The following CCDC34 variants were observed in gnomAD, a reference collection of about 807,000 sequenced individuals.
The protein encoded by CCDC34 is coiled-coil domain-containing protein 34.
Under a neutral mutation model 44.1 loss-of-function variants are expected in CCDC34, and 40 were observed. The ratio of observed to expected loss-of-function variants is 0.91; its 90% CI spans 0.70 to 1.18. The LOEUF is 1.18. Among genes scored for constraint, CCDC34 ranks in the 50% most tolerant of loss-of-function variants. CCDC34 has a pLI of 0.00. For synonymous variants in CCDC34, 159 were observed against 158.2 expected (o/e 1.01, Z -0.04); for missense variants, 466 against 452.3 (o/e 1.03, Z -0.28).
Position 27,340,783 on chromosome 11 carries a change from T to C in CCDC34, c.820A>G (p.Lys274Glu). The C allele has an allele frequency of 6.2e-7, 1 of 1,613,844 alleles. No homozygotes were observed. Among genetic ancestry groups the C allele is most frequent in the Non-Finnish European group, 8.5e-7 (1 of 1,179,852 alleles). Residue 274 changes from lysine (K) to glutamate (E), a missense_variant, in exon 5 of 6, where the codon AAA (lysine) becomes GAA (glutamate). Physicochemically the swap from Lys to Glu is moderately conservative, Grantham distance 56. Transcript: ENST00000328697. ...EIQEKKEIAEKKFQEWLENAK... is the reference protein window; with the variant it reads ...EIQEKKEIAEEKFQEWLENAK... Reference sequence around the variant, plus strand: ...TTTTCCAACCATTCTTGAAACTTTTTTTCTGCTATTTCCTTTTTCTCCTGT... The same window carrying C: ...TTTTCCAACCATTCTTGAAACTTTTCTTCTGCTATTTCCTTTTTCTCCTGT...
intron 1 of CCDC34, among the ~76,000 whole-genome samples, chr11:27,358,466 T>C (rs1285792127): frequency 6.6e-6 from 1 of 152,204 alleles, no homozygotes; most frequent in Non-Finnish European, 1.5e-5. Context: ...AACCAATTGC[T>C]TCACCCACTG....
At position 27,349,963 on chromosome 11, in the gene CCDC34, G is replaced by A; in HGVS notation, c.606+369C>T. ...TTAAGCCTTGATGACCGAGAAGACAGCTGAATGAAACAGAGAAATGGGAGG... is the reference window on the plus strand; with the variant it reads ...TTAAGCCTTGATGACCGAGAAGACAACTGAATGAAACAGAGAAATGGGAGG... On this transcript the variant is annotated intron_variant, in intron 3 of 5. Transcript: ENST00000328697. The A allele has an allele frequency of 3.6e-6, 4 of 1,104,432 alleles. No individual in the cohort carries two copies. In the South Asian group the frequency reaches 1.3e-4, roughly 35 times the overall value. 68.4% of individuals were successfully genotyped at this position (1,104,432 alleles called of 1,614,324 possible). A position where few individuals can be genotyped will look rare whatever the true frequency, so the allele number is the denominator to read the frequency against.
chr11:27,345,578 T>C (rs1862421336), intron 3 of CCDC34, among the ~76,000 whole-genome samples: 6 of 152,150 alleles, frequency 3.9e-5, no homozygotes, highest in Admixed American at 3.9e-4. Context: ...GAATGATGGT[T>C]TCCAGCTTCA....
chr11:27,343,320 TGAACCCAG>T (rs900051590), intron 3 of CCDC34, among the ~76,000 whole-genome samples: 7 of 151,362 alleles, frequency 4.6e-5, no homozygotes, highest in African/African-American at 1.7e-4. Context: ...GAGAATTGCT[TGAACCCAG>T]GAGGCGGAGG....
chr11:27,360,396 C>A (rs2291024), intron 1 of CCDC34, among the ~76,000 whole-genome samples: 38,373 of 152,134 alleles, frequency 0.25, 5,736 homozygotes, highest in East Asian at 0.44. Context: ...CCAAAAATAC[C>A]TTGAGGTAAT....
At chr11:27,353,548 A>C (rs1346443484) in intron 2 of CCDC34, among the ~76,000 whole-genome samples, 1 of 152,152 alleles carries the variant, frequency 6.6e-6, no homozygotes, top group African/African-American at 2.4e-5. Flanking sequence ...TAATTGATTC[A>C]ATATTTACCA....
intron 2 of CCDC34, among the ~76,000 whole-genome samples, chr11:27,354,892 T>G (rs959367917): frequency 1.3e-5 from 2 of 152,022 alleles, no homozygotes; most frequent in Non-Finnish European, 2.9e-5. Flanking sequence ...ATTTACACTT[T>G]TAACTACTCC....
Position 27,346,689 on chromosome 11 carries a change from A to G in CCDC34, c.606+3643T>C, listed in dbSNP as rs1185375112. On this transcript the variant is annotated intron_variant, in intron 3 of 5. Coordinates refer to ENST00000328697, the MANE Select transcript of CCDC34 (RefSeq NM_030771.2). Reference sequence around the variant, plus strand: ...CAACAACACAAAACAAGCCAACAACAAAAGAGATGTAGAAATGGTCAATAT... The same window carrying G: ...CAACAACACAAAACAAGCCAACAACGAAAGAGATGTAGAAATGGTCAATAT... 3.3e-5 allele frequency among the ~76,000 whole-genome samples: 5 copies of G among 152,170 alleles called. No homozygotes were observed. The East Asian group carries it at 9.6e-4, about 29-fold the overall frequency.
rs1433053131 is a variant in CCDC34 at position 27,350,371 on chromosome 11, T to G, written c.567A>C (p.Glu189Asp). The stretch of plus-strand genomic sequence containing the variant: ...TCTGAACCCATTCCTTGTGCTTTTC[T>G]TCAGCAATTATCTTTCTTTTTTCAC... ...EEREKRKIIAEEKHKEWVQKK... is the reference protein window; with the variant it reads ...EEREKRKIIADEKHKEWVQKK... The change falls in exon 3 of 6, where the codon GAA becomes GAC. Residue 189 changes from glutamate (E) to aspartate (D), a missense_variant. Transcript: ENST00000328697. The G allele has an allele frequency of 6.2e-7, 1 of 1,613,870 alleles. No homozygotes were observed. Among genetic ancestry groups the G allele is most frequent in the Non-Finnish European group, 8.5e-7 (1 of 1,179,912 alleles).
chr11:27,344,429 T>C (rs1159176125), intron 3 of CCDC34, among the ~76,000 whole-genome samples: 1 of 151,774 alleles, frequency 6.6e-6, no homozygotes, highest in Non-Finnish European at 1.5e-5. Flanking sequence ...ATTATAAACA[T>C]GTGTGTTACA....
At position 27,357,469 on chromosome 11, in the gene CCDC34, TG is replaced by T. The variant is rs777533036; in HGVS notation, c.431del (p.Pro144HisfsTer19). 14 of 1,613,760 alleles carry T rather than the reference TG, an allele frequency of 8.7e-6. No homozygotes were observed. The African/African-American group carries it at 1.7e-4, about 20-fold the overall frequency. ...QVRLPESRLT[P>X]WEVWFIGKEK... ...CTTTGCCAATAAACCACACCTCCCA[TG>T]GTGTCAGGCGGCTTTCTGGTAAGCG... On this transcript the variant is annotated frameshift_variant, in exon 2 of 6. Transcript: ENST00000328697. LOFTEE classifies it high-confidence loss of function.
At chr11:27,346,481 AGG>A (rs1491493528) in intron 3 of CCDC34, among the ~76,000 whole-genome samples, 66 of 124,412 alleles carry the variant, frequency 5.3e-4, no homozygotes, top group African/African-American at 2.5e-3. Flanking sequence ...GAAAGAAGGA[AGG>A]AAGGAAGGAA....
intron 3 of CCDC34, among the ~76,000 whole-genome samples, chr11:27,348,214 C>T (rs991520850): frequency 1.3e-5 from 2 of 152,016 alleles, no homozygotes; most frequent in African/African-American, 2.4e-5. Context: ...CCAATAGTGC[C>T]TCGCACACAG....
chr11:27,338,541 T>G lies in CCDC34; in HGVS notation c.*280A>C, dbSNP rs1862311976. Reference sequence around the variant, plus strand: ...AGAAAAATTGTTAGTTTTATTGGTATTACAGTGTACTTTTAATACAAGCTA... The same window carrying G: ...AGAAAAATTGTTAGTTTTATTGGTAGTACAGTGTACTTTTAATACAAGCTA... On this transcript the variant is annotated 3_prime_UTR_variant, in exon 6 of 6. Transcript: ENST00000328697. 2.8e-6 allele frequency: 1 copy of G among 357,816 alleles called. No individual in the cohort carries two copies. The highest frequency in any genetic ancestry group is 5.0e-6 in the Non-Finnish European group (1 of 199,296). 22.2% of individuals were successfully genotyped at this position (357,816 alleles called of 1,614,324 possible).
At chr11:27,348,331 G>A (rs1193312827) in intron 3 of CCDC34, among the ~76,000 whole-genome samples, 3 of 152,168 alleles carry the variant, frequency 2.0e-5, no homozygotes, top group Non-Finnish European at 4.4e-5. Flanking sequence ...TAGAAAATCA[G>A]TTGTGTTTTG....
chr11:27,346,391 A>T (rs187830401), intron 3 of CCDC34, among the ~76,000 whole-genome samples: 51 of 148,914 alleles, frequency 3.4e-4, no homozygotes, highest in African/African-American at 1.3e-3. Flanking sequence ...TGAGACTCTG[A>T]CTCAAAAAAA....
chr11:27,350,737 T>C (rs1428910536), intron 2 of CCDC34, among the ~76,000 whole-genome samples: 2 of 152,196 alleles, frequency 1.3e-5, no homozygotes, highest in Non-Finnish European at 2.9e-5. Context: ...CACACATAAA[T>C]TTTGGCATCA....
At position 27,363,199 on chromosome 11, in the gene CCDC34, CCCG is replaced by C; in HGVS notation, c.-8_-6del. The C allele has an allele frequency of 1.4e-6, 2 of 1,469,306 alleles. No homozygotes were observed. Among genetic ancestry groups the C allele is most frequent in the Non-Finnish European group, 1.8e-6 (2 of 1,118,396 alleles). The allele number at this position is 1,469,306 out of a possible 1,614,324, so 91.0% of individuals were successfully genotyped here. Reference sequence around the variant, plus strand: ...CCAGCGCCCCGCCGCCCACATCTGGCCCGCCAAGTTCAAACTGGCGGAGCCGCG... The same window carrying C: ...CCAGCGCCCCGCCGCCCACATCTGGCCCAAGTTCAAACTGGCGGAGCCGCG... On this transcript the variant is annotated 5_prime_UTR_variant, in exon 1 of 6. Transcript: ENST00000328697.
chr11:27,348,672 C>T (rs921437564), intron 3 of CCDC34, among the ~76,000 whole-genome samples: 3 of 151,990 alleles, frequency 2.0e-5, no homozygotes, highest in Non-Finnish European at 1.5e-5. Context: ...CTGAGGACCA[C>T]ACACCATGAA....
Sources: allele counts gnomAD v4.1 joint callset (sites outside exome capture counted in the v4.1 genomes callset), GRCh38; gene constraint gnomAD v4.1.1; transcripts MANE v1.5; gene names NCBI Gene and HGNC (gene_info 2026-07-23, HGNC 2026-07-21).